Variants in TPSD1 observed in about 807,000 individuals in gnomAD.
TPSD1 encodes the protein tryptase delta.
A neutral mutation model predicts 25.4 loss-of-function variants in TPSD1; 30 were observed. The ratio of observed to expected loss-of-function variants is 1.18; its 90% CI spans 0.88 to 1.60. TPSD1 has a LOEUF of 1.60. Ranked by LOEUF, TPSD1 falls within the 40% of genes most tolerant of loss-of-function variation. The pLI is 0.00. For synonymous variants in TPSD1, 176 were observed against 149.4 expected, an observed-to-expected ratio of 1.18 and a Z score of -1.30; for missense variants, 420 against 324.2, an observed-to-expected ratio of 1.30 and a Z score of -2.27.
At chr16:1,257,617 T>C (rs2031003285) in intron 3 of TPSD1, among the ~76,000 whole-genome samples, 1 of 152,206 alleles carries the variant, frequency 6.6e-6, no homozygotes, top group African/African-American at 2.4e-5. Context: ...AACCCTGGGC[T>C]GTGACCTCTG....
chr16:1,258,060 G>A lies in TPSD1; in HGVS notation c.522G>A (p.Val174=). 6.4e-7 allele frequency: 1 copy of A among 1,574,696 alleles called. No homozygotes were observed. The highest frequency in any genetic ancestry group is 8.6e-7 in the Non-Finnish European group (1 of 1,160,840). The change falls in exon 4 of 5, where the codon GTG becomes GTA. Residue 174 remains valine (V), a splice_region_variant and synonymous_variant. Transcript: ENST00000211076. Reference sequence around the variant, plus strand: ...CTCCACGCCCCCCTCCGCCCCCAGTGCACCTGCCGCCGCCATACCCGCTGA... The same window carrying A: ...CTCCACGCCCCCCTCCGCCCCCAGTACACCTGCCGCCGCCATACCCGCTGA... The part of the protein sequence containing the change: ...VTGWGDVDNN[V]HLPPPYPLKE...
In TPSD1 at chr16:1,258,218, G is replaced by A; in HGVS notation, c.680G>A (p.Cys227Tyr). 1 of 1,612,416 alleles carries A rather than the reference G, an allele frequency of 6.2e-7. No homozygotes were observed. The highest frequency in any genetic ancestry group is 1.1e-5 in the South Asian group (1 of 91,080). ...LCAGSENHDS[C>Y]QGDSGGPLVC... ...GCGGGGAGCGAAAATCACGACTCCT[G>A]CCAGGTGGGCCCTCGCGTCCCCCAC... The change falls in exon 4 of 5, where the codon TGC becomes TAC. Residue 227 changes from cysteine (C) to tyrosine (Y), a missense_variant. Transcript: ENST00000211076.
intron 3 of TPSD1, chr16:1,257,290 A>T: frequency 1.7e-6 from 1 of 604,878 alleles, no homozygotes; most frequent in Non-Finnish European, 2.9e-6. Context: ...GTCCCTTAGC[A>T]CCTCCGTGCC....
At chr16:1,256,473 G>C in intron 1 of TPSD1, 43 bp from the exon 2 acceptor site, 3 of 1,606,922 alleles carry the variant, frequency 1.9e-6, no homozygotes, top group Non-Finnish European at 2.5e-6. Flanking sequence ...GCTGGTCCCA[G>C]GCGTGGGGCG....
rs575306367 is a variant in TPSD1, at chr16:1,256,744, C to T, written c.255-53C>T. ...AGGGCTGGATGTGAGCCCTGGCTCC[C>T]GGGTGCTCCTGGGGGCTGCCCAGGG... On this transcript the variant is annotated intron_variant, in intron 2 of 4. Coordinates refer to ENST00000211076, the MANE Select transcript of TPSD1 (RefSeq NM_012217.3). 617 of 1,611,536 alleles carry T rather than the reference C, an allele frequency of 3.8e-4. 6 individuals carry two copies. In the East Asian group the frequency reaches 0.013, roughly 35 times the overall value.
intron 3 of TPSD1, 128 bp from the exon 4 acceptor site, chr16:1,257,931 G>A (rs531313712): frequency 1.1e-4 from 112 of 1,037,862 alleles, no homozygotes; most frequent in Middle Eastern, 9.5e-4. Context: ...CCCCTTCCCC[G>A]GGGCTGCAGG....
chr16:1,258,234 C>A lies in TPSD1; in HGVS notation c.684+12C>A, dbSNP rs115125936. 4.0e-3 allele frequency: 6,388 copies of A among 1,612,548 alleles called. 194 individuals carry two copies. In the African/African-American group the frequency reaches 0.075, roughly 19 times the overall value. On this transcript the variant is annotated intron_variant, in intron 4 of 4. Coordinates refer to ENST00000211076, the MANE Select transcript of TPSD1 (RefSeq NM_012217.3). ...ACGACTCCTGCCAGGTGGGCCCTCG[C>A]GTCCCCCACCCCAATCCCCGGAGCC...
Position 1,257,160 on chromosome 16 carries a change from G to A in TPSD1, c.520+98G>A. The A allele has an allele frequency of 2.7e-6, 4 of 1,459,312 alleles. No homozygotes were observed. The South Asian group carries it at 5.4e-5, about 20-fold the overall frequency. The allele number at this position is 1,459,312 out of a possible 1,614,324, so 90.4% of individuals were successfully genotyped here. On this transcript the variant is annotated intron_variant, in intron 3 of 4. Coordinates refer to ENST00000211076, the MANE Select transcript of TPSD1 (RefSeq NM_012217.3). The stretch of plus-strand genomic sequence containing the variant: ...GACAGGGTCCCTCAGGGCGGCTCAG[G>A]GAGGGGGACTGTGGAGGCCAGGATG...
rs3993985 is a variant in TPSD1 at position 1,256,698 on chromosome 16, T to A, written c.254+11T>A. On this transcript the variant is annotated intron_variant, in intron 2 of 4. Transcript: ENST00000211076. ...GCACTGCGTGGAACCGTGAGTCTCC[T>A]GGGGCCTGGAGGGGTGGGCAAGGGC... 5.3e-6 allele frequency: 8 copies of A among 1,503,636 alleles called. No individual in the cohort carries two copies. The highest frequency in any genetic ancestry group is 1.2e-5 in the South Asian group (1 of 81,702). The allele number at this position is 1,503,636 out of a possible 1,614,324, so 93.1% of individuals were successfully genotyped here. A position where few individuals can be genotyped will look rare whatever the true frequency, so the allele number is the denominator to read the frequency against.
intron 1 of TPSD1, 23 bp downstream of exon 1, chr16:1,256,385 C>A: frequency 6.2e-7 from 1 of 1,612,190 alleles, no homozygotes; most frequent in Non-Finnish European, 8.5e-7. Flanking sequence ...CGGGGTCCAC[C>A]CTGCCCCTCA....
intron 3 of TPSD1, among the ~76,000 whole-genome samples, chr16:1,257,733 C>T (rs1264889544): frequency 6.6e-6 from 1 of 152,168 alleles, no homozygotes; most frequent in East Asian, 1.9e-4. Context: ...CAACCGTGGA[C>T]CATGGGCCTA....
rs545531022 is a variant in TPSD1 at position 1,256,340 on chromosome 16, G to T, written c.60G>T (p.Ala20=). The T allele has an allele frequency of 6.2e-7, 1 of 1,613,306 alleles. No homozygotes were observed. Among genetic ancestry groups the T allele is most frequent in the South Asian group, 1.1e-5 (1 of 91,054 alleles). Residue 20 remains alanine, a synonymous_variant, in exon 1 of 5, where the codon GCG becomes GCT. Coordinates refer to ENST00000211076, the MANE Select transcript of TPSD1 (RefSeq NM_012217.3). Reference sequence around the variant, plus strand: ...TGCTGCTGGCGCTGCCCGTCCTGGCGAGCCCGGCCTACGTGGCCCCTGGTG... The same window carrying T: ...TGCTGCTGGCGCTGCCCGTCCTGGCTAGCCCGGCCTACGTGGCCCCTGGTG... ...SLLLLALPVL[A]SPAYVAPAPG...
rs1473391544 is a variant in TPSD1 at position 1,256,572 on chromosome 16, A to G, written c.139A>G (p.Ser47Gly). 6.2e-7 allele frequency: 1 copy of G among 1,612,360 alleles called. No individual in the cohort carries two copies. Among genetic ancestry groups the G allele is most frequent in the Non-Finnish European group, 8.5e-7 (1 of 1,179,704 alleles). The change falls in exon 2 of 5, where the codon AGC becomes GGC. Residue 47 changes from serine (S) to glycine (G), a missense_variant. By Grantham distance (56) the Ser-to-Gly change is moderately conservative. Coordinates refer to ENST00000211076, the MANE Select transcript of TPSD1 (RefSeq NM_012217.3). ...TGTTGGGGGGCAGGAGGCCCCCAGGAGCAAGTGGCCCTGGCAGGTGAGCCT... is the reference window on the plus strand; with the variant it reads ...TGTTGGGGGGCAGGAGGCCCCCAGGGGCAAGTGGCCCTGGCAGGTGAGCCT... ...GIVGGQEAPR[S>G]KWPWQVSLRV...
chr16:1,258,175 C>A lies in TPSD1; in HGVS notation c.637C>A (p.Arg213Ser). The A allele has an allele frequency of 6.2e-7, 1 of 1,613,014 alleles. No homozygotes were observed. The highest frequency in any genetic ancestry group is 8.5e-7 in the Non-Finnish European group (1 of 1,179,852). Residue 213 changes from arginine (R) to serine (S), a missense_variant, in exon 4 of 5, where the codon CGC (arginine) becomes AGC (serine). By Grantham distance (110) the Arg-to-Ser change is moderately radical. Coordinates refer to ENST00000211076, the MANE Select transcript of TPSD1 (RefSeq NM_012217.3). ...TACGGGCCACAGCTTTCAAATCGTC[C>A]GCGATGACATGCTGTGTGCGGGGAG... ...LHTGHSFQIV[R>S]DDMLCAGSEN...
rs755611201 is a variant in TPSD1 at position 1,256,639 on chromosome 16, C to T, written c.206C>T (p.Ser69Phe). Residue 69 changes from serine to phenylalanine, a missense_variant, in exon 2 of 5, where the codon TCC (serine) becomes TTC (phenylalanine). Physicochemically the swap from Ser to Phe is radical, Grantham distance 155 (BLOSUM62 -2). Coordinates refer to ENST00000211076, the MANE Select transcript of TPSD1 (RefSeq NM_012217.3). ...GPYWMHFCGG[S>F]LIHPQWVLTA... ...TACTGGATGCACTTCTGCGGGGGCT[C>T]CCTCATCCACCCCCAGTGGGTGCTA... 12 of 1,612,772 alleles carry T rather than the reference C, an allele frequency of 7.4e-6. No individual in the cohort carries two copies. The highest frequency in any genetic ancestry group is 1.1e-5 in the South Asian group (1 of 91,032).
intron 1 of TPSD1, 38 bp downstream of exon 1, chr16:1,256,400 A>G: frequency 6.2e-7 from 1 of 1,611,794 alleles, no homozygotes; most frequent in Non-Finnish European, 8.5e-7. Flanking sequence ...CCCTCACCAC[A>G]TTCCACAGAT....
At position 1,258,686 on chromosome 16, in the gene TPSD1, C is replaced by A; in HGVS notation, c.*310C>A. On this transcript the variant is annotated 3_prime_UTR_variant, in exon 5 of 5. Transcript: ENST00000211076. ...TTGATCCCCTCCCCCATCCTGAGCC[C>A]CTCCCCCACCCTGAGCCCCTTCCCC... The A allele has an allele frequency of 2.1e-6, 1 of 486,550 alleles. No homozygotes were observed. Among genetic ancestry groups the A allele is most frequent in the Non-Finnish European group, 3.7e-6 (1 of 273,772 alleles). 30.1% of individuals were successfully genotyped at this position (486,550 alleles called of 1,614,324 possible).
intron 3 of TPSD1, 104 bp downstream of exon 3, chr16:1,257,166 G>C: frequency 7.0e-7 from 1 of 1,426,544 alleles, no homozygotes; most frequent in Non-Finnish European, 9.3e-7. Flanking sequence ...TCAGGGAGGG[G>C]GACTGTGGAG....
chr16:1,257,979 G>A, intron 3 of TPSD1, 80 bp from the exon 4 acceptor site: 2 of 1,456,524 alleles, frequency 1.4e-6, no homozygotes, highest in Non-Finnish European at 1.9e-6. Context: ...CATCTCCCCT[G>A]CCCGTGACTC....
Sources: gnomAD v4.1 joint callset for allele counts (sites outside exome capture counted in the v4.1 genomes callset) on GRCh38, gnomAD v4.1.1 for gene constraint, MANE v1.5 for transcripts, NCBI Gene and HGNC (gene_info 2026-07-23, HGNC 2026-07-21) for gene names.